Variants in SLC9A6 observed in about 807,000 individuals in gnomAD.
SLC9A6 encodes the protein solute carrier family 9 member A6.
SLC9A6 carries 6 observed loss-of-function variants against 45.3 expected under a neutral mutation model. The observed-to-expected ratio is 0.13, with a 90% CI of 0.07 to 0.26. The LOEUF is 0.26. Ranked by LOEUF, SLC9A6 falls within the 10% of genes least tolerant of loss-of-function variation. The pLI, the probability that SLC9A6 is intolerant of heterozygous loss-of-function variation, is 1.00. For synonymous variants in SLC9A6, 191 were observed against 187.7 expected (o/e 1.02, Z -0.14); for missense variants, 278 against 503.7 (o/e 0.55, Z 4.29).
chrX:135,988,385 A>C (rs1230252676), intron 2 of SLC9A6, among the ~76,000 whole-genome samples: 4 of 110,730 alleles, frequency 3.6e-5, no homozygotes, highest in African/African-American at 9.9e-5. Flanking sequence ...CCAGTTCGAG[A>C]ATAGATGGGA....
chrX:136,012,670 A>G (rs1366631539), intron 8 of SLC9A6, among the ~76,000 whole-genome samples: 13 of 112,766 alleles, frequency 1.2e-4, no homozygotes, highest in African/African-American at 3.5e-4. Context: ...TCCCGTCTCT[A>G]TCTATCCTTT....
At chrX:135,976,266 C>T (rs1462810214) in intron 1 of SLC9A6, among the ~76,000 whole-genome samples, 3 of 111,553 alleles carry the variant, frequency 2.7e-5, no homozygotes, top group East Asian at 2.8e-4. Context: ...AAAGTGCTTC[C>T]TTCTCCGCCC....
chrX:136,038,925 G>A (rs1453459498), intron 16 of SLC9A6, among the ~76,000 whole-genome samples: 2 of 110,288 alleles, frequency 1.8e-5, no homozygotes, highest in Non-Finnish European at 3.8e-5. Flanking sequence ...TTTTTTAGTA[G>A]CTTTGTGTTT....
At chrX:136,036,237 CAT>C (rs782307069) in intron 16 of SLC9A6, among the ~76,000 whole-genome samples, 1 of 111,537 alleles carries the variant, frequency 9.0e-6, no homozygotes, top group East Asian at 2.8e-4. Flanking sequence ...AGTGATATCT[CAT>C]ATGGTTTAAT....
chrX:135,980,645 C>G (rs1230275627), upstream of SLC9A6, among the ~76,000 whole-genome samples: 1 of 111,311 alleles, frequency 9.0e-6, no homozygotes, highest in East Asian at 2.8e-4. Flanking sequence ...TAACCTCGAA[C>G]TTCTGGGCTC....
chrX:136,007,924 G>T (rs1226435062), intron 7 of SLC9A6, among the ~76,000 whole-genome samples: 2 of 110,684 alleles, frequency 1.8e-5, no homozygotes, highest in African/African-American at 6.6e-5. Context: ...CTAGGTCAAT[G>T]GTATGATCAT....
rs1195857195 is a variant in SLC9A6 at position 136,045,365 on chromosome X, G to A, written c.*641G>A. On this transcript the variant is annotated 3_prime_UTR_variant, in exon 18 of 18. Transcript: ENST00000630721. The stretch of plus-strand genomic sequence containing the variant: ...CAGTACACTGTTGTTCAGAAAAGAA[G>A]GCTGCAAATGACTTCTGAGACTTTA... The A allele has an allele frequency of 8.9e-6, 1 of 112,608 alleles. No individual in the cohort carries two copies. Among genetic ancestry groups the A allele is most frequent in the African/African-American group, 3.3e-5 (1 of 30,708 alleles). 9.3% of individuals were successfully genotyped at this position (112,608 alleles called of 1,213,427 possible). A position where few individuals can be genotyped will look rare whatever the true frequency, so the allele number is the denominator to read the frequency against.
At chrX:136,011,977 C>T (rs1267457277) in intron 8 of SLC9A6, among the ~76,000 whole-genome samples, 1 of 111,861 alleles carries the variant, frequency 8.9e-6, no homozygotes, top group African/African-American at 3.3e-5. Flanking sequence ...GTAGTCCCAG[C>T]TACTCGGGAG....
Position 135,985,740 on chromosome X carries a change from C to T in SLC9A6, c.82C>T (p.Leu28=), listed in dbSNP as rs782076275. Residue 28 remains leucine (L), a synonymous_variant, in exon 2 of 18, where the codon CTG becomes TTG. Coordinates refer to ENST00000630721, the MANE Select transcript of SLC9A6 (RefSeq NM_001379110.1). ...CGCCAACCTGCTCATCTTCATCCTG[C>T]TGCTCACCCTCACCATTCTCACAAT... is the stretch of plus-strand genomic sequence containing the variant. The part of the protein sequence containing the change: ...DSANLLIFIL[L]LTLTILTIWL... The T allele has an allele frequency of 8.3e-7, 1 of 1,211,789 alleles. No individual in the cohort carries two copies. The highest frequency in any genetic ancestry group is 2.2e-5 in the Admixed American group (1 of 46,120).
At position 135,998,860 on chromosome X, in the gene SLC9A6, A is replaced by G. The variant is rs587784402; in HGVS notation, c.529A>G (p.Ile177Val). 2 of 1,189,066 alleles carry G rather than the reference A, an allele frequency of 1.7e-6. No individual in the cohort carries two copies. Among genetic ancestry groups the G allele is most frequent in the Non-Finnish European group, 2.3e-6 (2 of 874,655 alleles). Reference protein sequence around the residue: ...TAISCFVIGSIMYGCVTLMKV... With the variant: ...TAISCFVIGSVMYGCVTLMKV... The stretch of plus-strand genomic sequence containing the variant: ...AGGACTGTGTTTATTGAACAGGTCA[A>G]TAATGTATGGCTGTGTAACGCTGAT... Residue 177 changes from isoleucine (I) to valine (V), a missense_variant, in exon 6 of 18, where the codon ATA becomes GTA. Around this residue, in one of 5 missense-constraint regions of SLC9A6, gnomAD observed 118 missense variants for 209.9 expected, o/e 0.56. Transcript: ENST00000630721.
intron 2 of SLC9A6, among the ~76,000 whole-genome samples, chrX:135,988,312 T>C (rs2089369120): frequency 8.9e-6 from 1 of 111,860 alleles, no homozygotes; most frequent in Non-Finnish European, 1.9e-5. Context: ...TAGCCTGTCC[T>C]ATTTTCTCAT....
At chrX:135,994,249 C>T (rs1246166374) in intron 2 of SLC9A6, among the ~76,000 whole-genome samples, 5 of 109,149 alleles carry the variant, frequency 4.6e-5, no homozygotes, top group South Asian at 8.2e-4. Context: ...GGATTACAGG[C>T]GCCCGCCACC....
intron 7 of SLC9A6, among the ~76,000 whole-genome samples, chrX:136,009,406 G>T (rs2070876322): frequency 9.0e-6 from 1 of 110,611 alleles, no homozygotes; most frequent in African/African-American, 3.3e-5. Flanking sequence ...TTTTAACCTG[G>T]GAGATATGAA....
chrX:135,989,010 T>G (rs1363377692), intron 2 of SLC9A6, among the ~76,000 whole-genome samples: 2 of 111,200 alleles, frequency 1.8e-5, no homozygotes, highest in Non-Finnish European at 3.8e-5. Flanking sequence ...TATTAATATA[T>G]TATTTTAAAA....
chrX:136,022,512 C>T (rs782595561), intron 11 of SLC9A6, 74 bp from the exon 12 acceptor site: 30 of 626,883 alleles, frequency 4.8e-5, no homozygotes, highest in Middle Eastern at 5.4e-4. Context: ...AATAGTCTTT[C>T]ACCATCTTGA....
chrX:136,013,513 A>G (rs782395551), intron 10 of SLC9A6, 76 bp downstream of exon 10: 18 of 725,044 alleles, frequency 2.5e-5, no homozygotes, highest in Middle Eastern at 9.6e-4. Flanking sequence ...ACTAAAAAAA[A>G]AAAATAGTCT....
At chrX:135,975,981 CAAAAAAAAA>C (rs782541566) in intron 1 of SLC9A6, among the ~76,000 whole-genome samples, 10 of 62,462 alleles carry the variant, frequency 1.6e-4, no homozygotes, top group African/African-American at 3.8e-4. Context: ...TTTCTCTAAC[CAAAAAAAAA>C]AAAAAAAAAA....
intron 7 of SLC9A6, among the ~76,000 whole-genome samples, chrX:136,006,729 A>AT (rs1219166317): frequency 9.0e-6 from 1 of 110,988 alleles, no homozygotes; most frequent in Non-Finnish European, 1.9e-5. Context: ...AGTTTAAAAT[A>AT]TGTTGTTTAC....
chrX:136,010,159 C>T, intron 7 of SLC9A6: 1 of 359,190 alleles, frequency 2.8e-6, no homozygotes, highest in South Asian at 3.8e-5. Flanking sequence ...TAATACTGCA[C>T]AGTATCTTGG....
Sources: gnomAD v4.1 joint callset for allele counts (sites outside exome capture counted in the v4.1 genomes callset) on GRCh38, gnomAD v4.1.1 for gene constraint, gnomAD v4.1.1 regional missense constraint, MANE v1.5 for transcripts, NCBI Gene and HGNC (gene_info 2026-07-23, HGNC 2026-07-21) for gene names.